Variants in NDUFA9 observed in about 807,000 individuals in gnomAD.
NDUFA9 encodes the protein NADH dehydrogenase [ubiquinone] 1 alpha subcomplex subunit 9, mitochondrial.
In NDUFA9, 23 loss-of-function variants were observed where a neutral mutation model predicts 45.9. The ratio of observed to expected loss-of-function variants is 0.50; its 90% CI spans 0.36 to 0.71. The LOEUF (loss-of-function observed/expected upper bound fraction) is 0.71, where lower values mean the gene tolerates loss of function less well. NDUFA9 is among the 30% of genes least tolerant of loss of function. The pLI is 0.00. For synonymous variants in NDUFA9, 176 were observed against 170.5 expected (o/e 1.03, Z -0.25); for missense variants, 466 against 488.2 (o/e 0.95, Z 0.43).
At chr12:4,660,779 A>G (rs1945818880) in intron 5 of NDUFA9, among the ~76,000 whole-genome samples, 1 of 152,152 alleles carries the variant, frequency 6.6e-6, no homozygotes, top group African/African-American at 2.4e-5. Flanking sequence ...GTTAACTGTA[A>G]AGTCTCCTTG....
rs573514789 is a variant in NDUFA9 at position 4,678,972 on chromosome 12, A to C, written c.801-3233A>C. Among the ~76,000 whole-genome samples, 4 of 152,322 alleles carry C rather than the reference A, an allele frequency of 2.6e-5. No individual in the cohort carries two copies. In the East Asian group the frequency reaches 7.7e-4, roughly 29 times the overall value. ...TGTCTACACAAAGATTTGCACTTGA[A>C]TTTTCATAGCAGCGTTATCATAAAT... On this transcript the variant is annotated intron_variant, in intron 8 of 10. Coordinates refer to ENST00000266544, the MANE Select transcript of NDUFA9 (RefSeq NM_005002.5).
At chr12:4,684,405 T>C (rs965526714) in intron 9 of NDUFA9, among the ~76,000 whole-genome samples, 12 of 152,176 alleles carry the variant, frequency 7.9e-5, no homozygotes, top group Non-Finnish European at 1.2e-4. Context: ...ACGCATGTAC[T>C]CCCAAACCCT....
At chr12:4,661,151 G>T (rs1233296532) in intron 5 of NDUFA9, among the ~76,000 whole-genome samples, 2 of 152,126 alleles carry the variant, frequency 1.3e-5, no homozygotes, top group Admixed American at 6.5e-5. Context: ...ATTGAAAGTG[G>T]CACTGTTCCT....
At position 4,687,006 on chromosome 12, in the gene NDUFA9, A is replaced by T; in HGVS notation, c.1032A>T (p.Pro344=). ...GLEDLGIQAT[P]LELKAIEVLR... ...AAGACCTTGGTATTCAGGCAACACC[A>T]CTGGAACTCAAGGCCATTGAGGTGC... The change falls in exon 11 of 11, where the codon CCA becomes CCT. Residue 344 remains proline, a synonymous_variant. Transcript: ENST00000266544. 2.5e-6 allele frequency: 4 copies of T among 1,614,160 alleles called. No individual in the cohort carries two copies. Among genetic ancestry groups the T allele is most frequent in the Non-Finnish European group, 3.4e-6 (4 of 1,180,020 alleles).
At chr12:4,665,076 G>A in intron 6 of NDUFA9, among the ~76,000 whole-genome samples, 1 of 152,156 alleles carries the variant, frequency 6.6e-6, no homozygotes, top group East Asian at 1.9e-4. Context: ...ATATTTGGAT[G>A]CGACTTTGGA....
intron 8 of NDUFA9, among the ~76,000 whole-genome samples, chr12:4,672,559 C>T (rs1203697539): frequency 6.6e-6 from 1 of 152,178 alleles, no homozygotes; most frequent in African/African-American, 2.4e-5. Context: ...GGGGCGTCCA[C>T]CATTGCTGAG....
At chr12:4,650,774 T>TA (rs1408265856) in intron 1 of NDUFA9, among the ~76,000 whole-genome samples, 2 of 152,174 alleles carry the variant, frequency 1.3e-5, no homozygotes, top group African/African-American at 4.8e-5. Context: ...TTAGGGCTGT[T>TA]ATGATCTGGA....
chr12:4,674,171 C>G (rs936814703), intron 8 of NDUFA9, among the ~76,000 whole-genome samples: 2 of 152,182 alleles, frequency 1.3e-5, no homozygotes, highest in African/African-American at 4.8e-5. Flanking sequence ...GAAGGAAGCA[C>G]TAAACATGGA....
chr12:4,685,667 C>T (rs1045961829), intron 10 of NDUFA9, among the ~76,000 whole-genome samples: 5 of 99,396 alleles, frequency 5.0e-5, no homozygotes, highest in Non-Finnish European at 1.3e-4. Context: ...CTCCTAACTT[C>T]CTCCTAACGT....
chr12:4,658,980 C>G, intron 4 of NDUFA9, 56 bp from the exon 5 acceptor site: 1 of 1,515,730 alleles, frequency 6.6e-7, no homozygotes, highest in Non-Finnish European at 9.1e-7. Flanking sequence ...TCACGTAAAG[C>G]TTTGAGATCC....
intron 6 of NDUFA9, among the ~76,000 whole-genome samples, chr12:4,662,887 A>G (rs1945831639): frequency 6.6e-6 from 1 of 152,222 alleles, no homozygotes; most frequent in South Asian, 2.1e-4. Flanking sequence ...GTCTTGGCCC[A>G]GCTAACTCTG....
At chr12:4,659,319 G>T (rs1382327756) in intron 5 of NDUFA9, 142 bp downstream of exon 5, 3 of 739,544 alleles carry the variant, frequency 4.1e-6, no homozygotes, top group African/African-American at 3.6e-5. Flanking sequence ...CAGAACTAGG[G>T]GTGTGTGTGA....
chr12:4,671,322 A>G (rs554286299), intron 8 of NDUFA9, among the ~76,000 whole-genome samples: 6 of 152,362 alleles, frequency 3.9e-5, no homozygotes, highest in African/African-American at 7.2e-5. Flanking sequence ...GTATAAGATC[A>G]GCATAGAAAA....
intron 8 of NDUFA9, among the ~76,000 whole-genome samples, chr12:4,672,608 C>T (rs1225382485): frequency 1.3e-5 from 2 of 152,174 alleles, no homozygotes; most frequent in African/African-American, 2.4e-5. Flanking sequence ...TAAACAAAGC[C>T]ACCAGGAAGT....
Position 4,693,639 on chromosome 12 carries a change from C to T in NDUFA9, c.*6531C>T, listed in dbSNP as rs568961629. 6.6e-6 allele frequency: 1 copy of T among 152,278 alleles called. No individual in the cohort carries two copies. Among genetic ancestry groups the T allele is most frequent in the East Asian group, 1.9e-4 (1 of 5,188 alleles). The allele number at this position is 152,278 out of a possible 1,614,324, so 9.4% of individuals were successfully genotyped here. On this transcript the variant is annotated 3_prime_UTR_variant, in exon 11 of 11. Transcript: ENST00000266544. ...GGAGAGTGATGGTTTGAGATGGTAA[C>T]TGAAGTTGTAGAAGTAGATGTTGAG...
chr12:4,649,294 C>G (rs1235281757), intron 1 of NDUFA9, 119 bp downstream of exon 1: 1 of 1,230,886 alleles, frequency 8.1e-7, no homozygotes, highest in Non-Finnish European at 1.2e-6. Context: ...TCTGGTTTCT[C>G]TAGGTTTGGA....
chr12:4,652,609 G>A (rs555834593), intron 1 of NDUFA9, among the ~76,000 whole-genome samples: 1 of 152,254 alleles, frequency 6.6e-6, no homozygotes, highest in African/African-American at 2.4e-5. Flanking sequence ...TGGGTTTTTA[G>A]ATTCTGTTTC....
intron 6 of NDUFA9, among the ~76,000 whole-genome samples, chr12:4,666,568 T>C (rs936837143): frequency 2.0e-5 from 3 of 152,304 alleles, no homozygotes; most frequent in Non-Finnish European, 4.4e-5. Context: ...TTGTATATGG[T>C]ATGAGGTAAG....
intron 6 of NDUFA9, among the ~76,000 whole-genome samples, chr12:4,666,652 G>T (rs1456933315): frequency 6.6e-6 from 1 of 152,022 alleles, no homozygotes; most frequent in African/African-American, 2.4e-5. Flanking sequence ...GAATGGTCTT[G>T]GTGCTTTTGT....
Sources: gnomAD v4.1 joint callset for allele counts (sites outside exome capture counted in the v4.1 genomes callset) on GRCh38, gnomAD v4.1.1 for gene constraint, MANE v1.5 for transcripts, NCBI Gene and HGNC (gene_info 2026-07-23, HGNC 2026-07-21) for gene names.